PPP6R3: variants seen among roughly 807,000 people sequenced by gnomAD.
The protein encoded by PPP6R3 is serine/threonine-protein phosphatase 6 regulatory subunit 3.
Under a neutral mutation model 110.7 loss-of-function variants are expected in PPP6R3, and 38 were observed. The observed-to-expected ratio is 0.34, with a 90% confidence interval of 0.26 to 0.45. The LOEUF (loss-of-function observed/expected upper bound fraction) is 0.45, where lower values mean the gene tolerates loss of function less well. Ranked by LOEUF, PPP6R3 falls within the 20% of genes least tolerant of loss-of-function variation. The pLI is 1.00. For synonymous variants in PPP6R3, 369 were observed against 373.5 expected, an observed-to-expected ratio of 0.99 and a Z score of 0.14; for missense variants, 870 against 1,062.4, an observed-to-expected ratio of 0.82 and a Z score of 2.52.
intron 1 of PPP6R3, among the ~76,000 whole-genome samples, chr11:68,507,245 C>CTTTTT (rs1565485429): frequency 8.2e-6 from 1 of 121,604 alleles, no homozygotes; most frequent in African/African-American, 3.2e-5. Flanking sequence ...AGTCTTTTTG[C>CTTTTT]ATTTTTTTTT....
chr11:68,609,212 C>T (rs1942035040), intron 22 of PPP6R3, among the ~76,000 whole-genome samples: 1 of 152,184 alleles, frequency 6.6e-6, no homozygotes, highest in Non-Finnish European at 1.5e-5. Context: ...GAAAAACAGT[C>T]CTTCTGGGTC....
intron 1 of PPP6R3, among the ~76,000 whole-genome samples, chr11:68,511,380 T>A (rs148553778): frequency 2.8e-3 from 426 of 152,084 alleles, no homozygotes; most frequent in Non-Finnish European, 4.3e-3. Context: ...ATACTATTTA[T>A]AGCTGTTAAA....
chr11:68,485,388 T>C (rs1421288590), intron 1 of PPP6R3, among the ~76,000 whole-genome samples: 3 of 152,246 alleles, frequency 2.0e-5, no homozygotes, highest in South Asian at 4.2e-4. Flanking sequence ...CCTTTTCTTA[T>C]TGAATTAGCT....
chr11:68,494,296 C>T (rs1035776197), intron 1 of PPP6R3, among the ~76,000 whole-genome samples: 3 of 149,358 alleles, frequency 2.0e-5, no homozygotes, highest in Admixed American at 6.7e-5. Context: ...GAGGCCGAGG[C>T]GGGCGGATCA....
intron 1 of PPP6R3, among the ~76,000 whole-genome samples, chr11:68,475,532 G>A (rs1216198196): frequency 1.3e-5 from 2 of 150,622 alleles, no homozygotes; most frequent in African/African-American, 4.9e-5. Context: ...GGCAGCGGCC[G>A]GGCGGGGGCT....
intron 1 of PPP6R3, among the ~76,000 whole-genome samples, chr11:68,468,366 A>G (rs1054211611): frequency 1.3e-5 from 2 of 152,190 alleles, no homozygotes; most frequent in African/African-American, 2.4e-5. Flanking sequence ...TTGCCTTTGG[A>G]CAATGGACAG....
chr11:68,551,261 C>G, intron 6 of PPP6R3, 75 bp downstream of exon 6: 1 of 1,106,990 alleles, frequency 9.0e-7, no homozygotes, highest in Non-Finnish European at 1.3e-6. Context: ...ACAGAGCATA[C>G]TTATATTAAA....
Position 68,571,057 on chromosome 11 carries a change from A to G in PPP6R3, c.1296A>G (p.Gln432=), listed in dbSNP as rs368832265. Residue 432 remains glutamine (Q), a synonymous_variant, in exon 12 of 24, where the codon CAA becomes CAG. Transcript: ENST00000393800. ...LLLKHLFQKC[Q]LIERILEAWE... Reference sequence around the variant, plus strand: ...TTTTTCAGCTTTTCCAAAAATGTCAATTAATAGAACGAATACTTGAAGCCT... The same window carrying G: ...TTTTTCAGCTTTTCCAAAAATGTCAGTTAATAGAACGAATACTTGAAGCCT... 4.4e-6 allele frequency: 7 copies of G among 1,593,698 alleles called. No homozygotes were observed. The highest frequency in any genetic ancestry group is 2.3e-5 in the South Asian group (2 of 85,860).
intron 2 of PPP6R3, among the ~76,000 whole-genome samples, chr11:68,530,357 A>G (rs1000922629): frequency 3.3e-5 from 5 of 152,176 alleles, no homozygotes; most frequent in Non-Finnish European, 5.9e-5. Context: ...TTGTGTGTCA[A>G]ATATTTTCTT....
chr11:68,504,003 C>T (rs2099062000), intron 1 of PPP6R3, among the ~76,000 whole-genome samples: 1 of 152,146 alleles, frequency 6.6e-6, no homozygotes, highest in African/African-American at 2.4e-5. Flanking sequence ...AGCCACTTGG[C>T]CATGTACCTC....
chr11:68,551,162 A>G lies in PPP6R3; in HGVS notation c.594A>G (p.Ile198Met). 6.2e-7 allele frequency: 1 copy of G among 1,611,622 alleles called. No homozygotes were observed. Among genetic ancestry groups the G allele is most frequent in the South Asian group, 1.1e-5 (1 of 90,806 alleles). Residue 198 changes from isoleucine (I) to methionine (M), a missense_variant, in exon 6 of 24, where the codon ATA (isoleucine) becomes ATG (methionine). Ile to Met is a conservative substitution (Grantham distance 10). Coordinates refer to ENST00000393800, the MANE Select transcript of PPP6R3 (RefSeq NM_001164161.2). ...EEKIIQRLVE[I>M]VHPSQEEDRH... ...AAATTATCCAGAGGCTTGTGGAAAT[A>G]GTTCATCCATCGCAAGAAGAAGATG...
chr11:68,495,511 G>T (rs55816191), intron 1 of PPP6R3, among the ~76,000 whole-genome samples: 46,396 of 151,986 alleles, frequency 0.31, 7,838 homozygotes, highest in African/African-American at 0.44. Flanking sequence ...CATCCCGCTA[G>T]ACCTAGGCAA....
rs188725105 is a variant in PPP6R3, at chr11:68,519,530, G to T, written c.-128G>T. On this transcript the variant is annotated 5_prime_UTR_variant, in exon 2 of 24. Coordinates refer to ENST00000393800, the MANE Select transcript of PPP6R3 (RefSeq NM_001164161.2). ...GCTTGTTTCATATCCATATCCCACTGTATTCCTGCTAATCTGCTAATGCAG... is the reference window on the plus strand; with the variant it reads ...GCTTGTTTCATATCCATATCCCACTTTATTCCTGCTAATCTGCTAATGCAG... The T allele has an allele frequency of 2.6e-4, 104 of 398,134 alleles. No individual in the cohort carries two copies. The highest frequency in any genetic ancestry group is 1.3e-3 in the African/African-American group (61 of 48,612). 24.7% of individuals were successfully genotyped at this position (398,134 alleles called of 1,614,324 possible).
At chr11:68,559,968 G>A (rs985310449) in intron 8 of PPP6R3, among the ~76,000 whole-genome samples, 2 of 146,120 alleles carry the variant, frequency 1.4e-5, no homozygotes, top group Admixed American at 6.9e-5. Context: ...CCACCCCAGC[G>A]GTACGGTGCC....
At chr11:68,542,389 G>GTTTTGTTTTTTTTTTTTTTTTTT (rs1555132285) in intron 3 of PPP6R3, among the ~76,000 whole-genome samples, 1 of 40,188 alleles carries the variant, frequency 2.5e-5, no homozygotes, top group Non-Finnish European at 4.1e-5. Context: ...AGAAGCTGCT[G>GTTTTGTTTTTTTTTTTTTTTTTT]TTTTTTTTTT....
chr11:68,491,881 C>A (rs949096827), intron 1 of PPP6R3, among the ~76,000 whole-genome samples: 13 of 151,852 alleles, frequency 8.6e-5, no homozygotes, highest in Non-Finnish European at 1.5e-4. Context: ...AAAAAAAAAA[C>A]CACACAAAAA....
Position 68,590,678 on chromosome 11 carries a change from A to G in PPP6R3, c.1749A>G (p.Val583=). The G allele has an allele frequency of 6.3e-7, 1 of 1,593,474 alleles. No homozygotes were observed. Among genetic ancestry groups the G allele is most frequent in the Non-Finnish European group, 8.6e-7 (1 of 1,165,630 alleles). Residue 583 remains valine (V), a synonymous_variant, in exon 17 of 24, where the codon GTA becomes GTG. Coordinates refer to ENST00000393800, the MANE Select transcript of PPP6R3 (RefSeq NM_001164161.2). ...DDIGNVSFDR[V]SDINFTLNTN... ...TTTACAGTGTTTCTTTTGATCGAGT[A>G]TCAGACATCAACTTTACTCTCAATA... is the stretch of plus-strand genomic sequence containing the variant.
intron 21 of PPP6R3, 98 bp downstream of exon 21, chr11:68,602,067 T>A: frequency 1.1e-6 from 1 of 921,626 alleles, no homozygotes; most frequent in Non-Finnish European, 1.6e-6. Context: ...AGCCCGGGAG[T>A]GAGATGGTGG....
Position 68,481,035 on chromosome 11 carries a change from A to G in PPP6R3, c.-158+20208A>G, listed in dbSNP as rs763127122. The stretch of plus-strand genomic sequence containing the variant: ...AGAACATTAAAAACAATCTGGAAAA[A>G]GGGGTGTGGATCAAAATAGATTATG... On this transcript the variant is annotated intron_variant, in intron 1 of 23. Coordinates refer to ENST00000393800, the MANE Select transcript of PPP6R3 (RefSeq NM_001164161.2). 6.9e-4 allele frequency among the ~76,000 whole-genome samples: 105 copies of G among 152,198 alleles called. 1 individual carries two copies. Among genetic ancestry groups the G allele is most frequent in the Non-Finnish European group, 1.2e-3 (85 of 68,034 alleles).
Sources: allele counts gnomAD v4.1 joint callset (sites outside exome capture counted in the v4.1 genomes callset), GRCh38; gene constraint gnomAD v4.1.1; transcripts MANE v1.5; gene names NCBI Gene and HGNC (gene_info 2026-07-23, HGNC 2026-07-21).